LAMB1: variants seen among roughly 807,000 people sequenced by gnomAD.
LAMB1 encodes the protein laminin subunit beta-1.
Under a neutral mutation model 222.3 loss-of-function variants are expected in LAMB1, and 121 were observed. That is an observed-to-expected ratio of 0.54 (90% CI 0.47 to 0.63). LAMB1 has a LOEUF of 0.63. LAMB1 is among the 30% of genes least tolerant of loss of function. The pLI, the probability that LAMB1 is intolerant of heterozygous loss-of-function variation, is 0.00. For missense variants in LAMB1, 2,172 were observed against 2,240.8 expected, an observed-to-expected ratio of 0.97 and a Z score of 0.62; for synonymous variants, 794 against 807.2, an observed-to-expected ratio of 0.98 and a Z score of 0.28.
intron 27 of LAMB1, among the ~76,000 whole-genome samples, chr7:107,933,771 G>C (rs1032742340): frequency 6.6e-6 from 1 of 152,146 alleles, no homozygotes; most frequent in African/African-American, 2.4e-5. Flanking sequence ...CACAGTAAGA[G>C]AACTGAAGCA....
chr7:107,952,711 A>T (rs149116504), intron 22 of LAMB1, among the ~76,000 whole-genome samples: 1 of 152,336 alleles, frequency 6.6e-6, no homozygotes, highest in African/African-American at 2.4e-5. Flanking sequence ...AAACAAAGCC[A>T]GGAGCCTGGG....
rs2032708181 is a variant in LAMB1, at chr7:107,931,432, A to G, written c.4461T>C (p.Asn1487=). The change falls in exon 29 of 34, where the codon AAT becomes AAC. Residue 1487 remains asparagine, a synonymous_variant. Transcript: ENST00000222399. Reference sequence around the variant, plus strand: ...TCTTGTCCATTTTTTCTTTGGTAGCATTTGTCTTCAACAGAATGTCTTCAG... The same window carrying G: ...TCTTGTCCATTTTTTCTTTGGTAGCGTTTGTCTTCAACAGAATGTCTTCAG... ...QSAEDILLKT[N]ATKEKMDKSN... is the part of the protein sequence containing the mutation. 6.2e-7 allele frequency: 1 copy of G among 1,613,696 alleles called. No individual in the cohort carries two copies. Among genetic ancestry groups the G allele is most frequent in the African/African-American group, 1.3e-5 (1 of 74,902 alleles).
intron 13 of LAMB1, among the ~76,000 whole-genome samples, chr7:107,971,491 CTT>C (rs1292732385): frequency 2.0e-5 from 3 of 152,176 alleles, no homozygotes; most frequent in African/African-American, 7.2e-5. Flanking sequence ...GGAAATTCCT[CTT>C]GAGGGACAAC....
chr7:107,970,732 TA>T (rs1382803938), intron 13 of LAMB1, among the ~76,000 whole-genome samples: 1 of 149,164 alleles, frequency 6.7e-6, no homozygotes, highest in Non-Finnish European at 1.5e-5. Flanking sequence ...TAGGTCTTAT[TA>T]TTTTTTTTTT....
At chr7:107,955,097 T>C (rs2033346665) in intron 21 of LAMB1, among the ~76,000 whole-genome samples, 1 of 152,244 alleles carries the variant, frequency 6.6e-6, no homozygotes. Flanking sequence ...ATTATTTCTT[T>C]CTTCTGACTA....
intron 2 of LAMB1, chr7:108,002,508 C>T (rs2034411261): frequency 1.8e-6 from 2 of 1,116,166 alleles, no homozygotes; most frequent in Non-Finnish European, 1.2e-6. Flanking sequence ...GGAGAGCCCT[C>T]CTCGGTCAGC....
At chr7:107,953,839 G>A in intron 21 of LAMB1, 85 bp from the exon 22 acceptor site, 2 of 1,158,522 alleles carry the variant, frequency 1.7e-6, no homozygotes, top group Non-Finnish European at 2.6e-6. Flanking sequence ...CCTAGAGAGA[G>A]CTGATCGTGG....
intron 29 of LAMB1, among the ~76,000 whole-genome samples, chr7:107,931,101 A>C (rs1412211888): frequency 6.6e-6 from 1 of 152,182 alleles, no homozygotes; most frequent in East Asian, 1.9e-4. Flanking sequence ...TTCCACGTTC[A>C]ATTTTCAATG....
intron 29 of LAMB1, 98 bp downstream of exon 29, chr7:107,931,258 G>T (rs2116324963): frequency 4.6e-3 from 3,667 of 795,432 alleles, no homozygotes; most frequent in Middle Eastern, 7.0e-3. Flanking sequence ...ATTTGGAAAT[G>T]TCACTTAGTA....
intron 12 of LAMB1, among the ~76,000 whole-genome samples, chr7:107,973,419 A>G (rs1050919494): frequency 6.6e-6 from 1 of 152,158 alleles, no homozygotes; most frequent in Non-Finnish European, 1.5e-5. Context: ...AGGATTTGGC[A>G]GGCCTTTAAA....
intron 3 of LAMB1, 31 bp downstream of exon 3, chr7:108,001,527 C>G (rs199884475): frequency 3.2e-6 from 5 of 1,553,360 alleles, no homozygotes; most frequent in Non-Finnish European, 4.4e-6. Context: ...GAGGCGCTAG[C>G]AGAGCCTCGA....
intron 8 of LAMB1, among the ~76,000 whole-genome samples, chr7:107,979,754 G>A (rs2033936708): frequency 6.6e-6 from 1 of 152,208 alleles, no homozygotes; most frequent in Non-Finnish European, 1.5e-5. Flanking sequence ...TCCCTAAAAT[G>A]ATATCCCATG....
At chr7:107,968,350 G>A (rs957629913) in intron 13 of LAMB1, among the ~76,000 whole-genome samples, 2 of 152,150 alleles carry the variant, frequency 1.3e-5, no homozygotes, top group African/African-American at 4.8e-5. Context: ...ATCAGTAAGG[G>A]AGAATAAGGA....
intron 5 of LAMB1, among the ~76,000 whole-genome samples, chr7:107,986,682 T>C (rs571514205): frequency 1.4e-4 from 21 of 152,360 alleles, no homozygotes; most frequent in African/African-American, 3.6e-4. Context: ...TCCACTGTAA[T>C]ATGAGTGGCA....
intron 5 of LAMB1, among the ~76,000 whole-genome samples, chr7:107,994,418 G>A (rs1246563972): frequency 6.6e-6 from 1 of 152,168 alleles, no homozygotes; most frequent in Non-Finnish European, 1.5e-5. Flanking sequence ...CAAGTCGAAT[G>A]ATTCTTTAGT....
intron 31 of LAMB1, among the ~76,000 whole-genome samples, chr7:107,927,250 G>C (rs2032587539): frequency 6.6e-6 from 1 of 152,176 alleles, no homozygotes; most frequent in African/African-American, 2.4e-5. Flanking sequence ...AGAAGATAAA[G>C]TTTGAGTGAA....
At chr7:107,999,883 AC>A in intron 3 of LAMB1, 1 of 151,854 alleles carries the variant, frequency 6.6e-6, no homozygotes, top group African/African-American at 2.4e-5. Flanking sequence ...CTCAGGAGAG[AC>A]CGCTGCACCT....
chr7:107,931,380 T>C lies in LAMB1; in HGVS notation c.4513A>G (p.Lys1505Glu). 6.2e-7 allele frequency: 1 copy of C among 1,613,544 alleles called. No homozygotes were observed. Among genetic ancestry groups the C allele is most frequent in the Non-Finnish European group, 8.5e-7 (1 of 1,179,810 alleles). The change falls in exon 29 of 34, where the codon AAG becomes GAG. Residue 1505 changes from lysine to glutamate, a missense_variant. Physicochemically the swap from Lys to Glu is moderately conservative, Grantham distance 56. Coordinates refer to ENST00000222399, the MANE Select transcript of LAMB1 (RefSeq NM_002291.3). ...CGGGTCAAAAAGTTTCTGATTTGCT[T>C]GATTAGATTTCTCAGCTCCTCATTG... ...KSNEELRNLIKQIRNFLTQDS... is the reference protein window; with the variant it reads ...KSNEELRNLIEQIRNFLTQDS...
Position 107,955,472 on chromosome 7 carries a change from T to A in LAMB1, c.2849A>T (p.Tyr950Phe). The change falls in exon 21 of 34, where the codon TAC (tyrosine) becomes TTC (phenylalanine). Residue 950 changes from tyrosine to phenylalanine, a missense_variant. Tyr to Phe is a conservative substitution (Grantham distance 22). Transcript: ENST00000222399. Reference protein sequence around the residue: ...LQLACVCDPGYIGSRCDDCAS... With the variant: ...LQLACVCDPGFIGSRCDDCAS... Reference sequence around the variant, plus strand: ...AAAGTATGCACACGACTTACCAATGTATCCAGGATCACAAACACAGGCAAG... The same window carrying A: ...AAAGTATGCACACGACTTACCAATGAATCCAGGATCACAAACACAGGCAAG... The A allele has an allele frequency of 6.2e-7, 1 of 1,612,998 alleles. No individual in the cohort carries two copies. Among genetic ancestry groups the A allele is most frequent in the South Asian group, 1.1e-5 (1 of 90,844 alleles).
Sources: gnomAD v4.1 joint callset for allele counts (sites outside exome capture counted in the v4.1 genomes callset) on GRCh38, gnomAD v4.1.1 for gene constraint, MANE v1.5 for transcripts, NCBI Gene and HGNC (gene_info 2026-07-23, HGNC 2026-07-21) for gene names.